RBFOX3: variants seen among roughly 807,000 people sequenced by gnomAD.
RBFOX3 encodes the protein RNA binding protein fox-1 homolog 3.
RBFOX3 carries 17 observed loss-of-function variants against 48.7 expected under a neutral mutation model. That is an observed-to-expected ratio of 0.35 (90% CI 0.24 to 0.52). The LOEUF is 0.52. Among genes scored for constraint, RBFOX3 ranks in the 20% least tolerant of loss-of-function variants. RBFOX3 has a pLI of 0.94. For synonymous variants in RBFOX3, 212 were observed against 209.5 expected (o/e 1.01, Z -0.10); for missense variants, 382 against 497.5 (o/e 0.77, Z 2.21).
intron 2 of RBFOX3, among the ~76,000 whole-genome samples, chr17:79,325,851 C>T (rs879547038): frequency 6.6e-6 from 1 of 152,164 alleles, no homozygotes; most frequent in Non-Finnish European, 1.5e-5. Flanking sequence ...GTCGCAGTTC[C>T]GTTTAGCTTG....
chr17:79,264,055 T>C (rs2066250260), intron 3 of RBFOX3, among the ~76,000 whole-genome samples: 1 of 151,428 alleles, frequency 6.6e-6, no homozygotes, highest in African/African-American at 2.4e-5. Context: ...GGAAGGACCC[T>C]TCCCTAGAGC....
rs1178228592 is a variant in RBFOX3 at position 79,477,474 on chromosome 17, T to G, written c.-175+4980A>C. Among the ~76,000 whole-genome samples the G allele has an allele frequency of 6.6e-6, 1 of 151,182 alleles. No individual in the cohort carries two copies. Among genetic ancestry groups the G allele is most frequent in the Non-Finnish European group, 1.5e-5 (1 of 67,886 alleles). ...GGGAGGCTGAGGCAGGAGAATGGCG[T>G]GAACCCGGGAGGCGGAGTTTGCAGT... On this transcript the variant is annotated intron_variant, in intron 2 of 14. Coordinates refer to ENST00000693108, the MANE Select transcript of RBFOX3 (RefSeq NM_001350451.2). The surrounding 1 kb of genome is among the most constrained non-coding windows in gnomAD (Gnocchi z 4.8).
At chr17:79,572,502 C>T (rs2092711742) in intron 1 of RBFOX3, among the ~76,000 whole-genome samples, 1 of 152,218 alleles carries the variant, frequency 6.6e-6, no homozygotes, top group African/African-American at 2.4e-5. Flanking sequence ...CACCCCAGCT[C>T]TGCCCACCAG....
rs140284293 is a variant in RBFOX3 at position 79,104,794 on chromosome 17, G to A, written c.361-668C>T. On this transcript the variant is annotated intron_variant, in intron 6 of 14. Coordinates refer to ENST00000693108, the MANE Select transcript of RBFOX3 (RefSeq NM_001350451.2). ...CCTCAGGCCTCCCTGAGATGGGGAG[G>A]AGGTTGGGCAGGGGGAAAATGGGGT... Among the ~76,000 whole-genome samples the A allele has an allele frequency of 2.6e-3, 390 of 152,238 alleles. 2 individuals are homozygous for A. The highest frequency in any genetic ancestry group is 8.9e-3 in the African/African-American group (371 of 41,534).
At chr17:79,376,362 G>A (rs1442020574) in intron 2 of RBFOX3, among the ~76,000 whole-genome samples, 1 of 152,138 alleles carries the variant, frequency 6.6e-6, no homozygotes, top group Non-Finnish European at 1.5e-5. Flanking sequence ...GCAAAGAGGA[G>A]GTGTGGGTGG....
rs944397403 is a variant in RBFOX3, at chr17:79,587,159, T to C, written c.-320+23667A>G. 3.3e-3 allele frequency among the ~76,000 whole-genome samples: 496 copies of C among 152,310 alleles called. 5 individuals carry two copies. The East Asian group carries it at 0.033, about 10-fold the overall frequency. On this transcript the variant is annotated intron_variant, in intron 1 of 14. Transcript: ENST00000693108. ...ATTAAGGCCTAGACCACACACCCTG[T>C]GGTGCCTCCACTCTCCAAGACCCCC...
rs771753984 is a variant in RBFOX3, at chr17:79,115,694, C to CG, written c.21dup (p.Ala8ArgfsTer126). ...TTCTGTGGCGGAGGGGGGTACTGGG[C>CG]GGGGGGGTAGGGCTGGGCCATCGCT... On this transcript the variant is annotated frameshift_variant, in exon 5 of 15. Transcript: ENST00000693108. LOFTEE classifies it high-confidence loss of function. The CG allele has an allele frequency of 1.8e-4, 27 of 147,924 alleles. No homozygotes were observed. Among genetic ancestry groups the CG allele is most frequent in the Admixed American group, 1.0e-3 (7 of 6,908 alleles). 9.2% of individuals were successfully genotyped at this position (147,924 alleles called of 1,614,324 possible). A position where few individuals can be genotyped will look rare whatever the true frequency, so the allele number is the denominator to read the frequency against.
chr17:79,193,277 G>T (rs1204114613), intron 4 of RBFOX3, among the ~76,000 whole-genome samples: 1 of 152,190 alleles, frequency 6.6e-6, no homozygotes, highest in Non-Finnish European at 1.5e-5. Context: ...CCTCCCAGTG[G>T]GGGCAGGGAA....
chr17:79,519,268 C>T (rs1029739562), intron 1 of RBFOX3, among the ~76,000 whole-genome samples: 4 of 152,240 alleles, frequency 2.6e-5, no homozygotes, highest in Non-Finnish European at 5.9e-5. Flanking sequence ...ACCCCCAGGG[C>T]TCACACTCCC....
Position 79,471,786 on chromosome 17 carries a change from T to C in RBFOX3, c.-175+10668A>G, listed in dbSNP as rs1217784245. Among the ~76,000 whole-genome samples the C allele has an allele frequency of 7.9e-5, 12 of 152,312 alleles. No individual in the cohort carries two copies. The highest frequency in any genetic ancestry group is 2.6e-4 in the African/African-American group (11 of 41,562). On this transcript the variant is annotated intron_variant, in intron 2 of 14. Coordinates refer to ENST00000693108, the MANE Select transcript of RBFOX3 (RefSeq NM_001350451.2). This position sits in a 1 kb window ranked among gnomAD's most constrained non-coding sequence, Gnocchi z 4.0. ...GCAGGCAGGTTAGCTATCCCAGCCC[T>C]ATGCATCACTCCTGCATCACACCTA...
intron 2 of RBFOX3, among the ~76,000 whole-genome samples, chr17:79,434,725 A>T (rs935211883): frequency 6.6e-6 from 1 of 152,224 alleles, no homozygotes. Context: ...CTTAGGGAAG[A>T]GAGGATTCAA....
the RBFOX3 span, among the ~76,000 whole-genome samples, chr17:79,645,463 A>G: frequency 6.6e-6 from 1 of 151,998 alleles, no homozygotes; most frequent in South Asian, 2.1e-4. Flanking sequence ...CCTCTTCCCC[A>G]CCCTTCAAGA....
chr17:79,154,979 G>T (rs1341186345), intron 4 of RBFOX3, among the ~76,000 whole-genome samples: 1 of 150,062 alleles, frequency 6.7e-6, no homozygotes, highest in Non-Finnish European at 1.5e-5. Context: ...TGGCAGCCCA[G>T]CCTCGGCGTC....
chr17:79,507,650 C>T (rs1272053241), intron 1 of RBFOX3, among the ~76,000 whole-genome samples: 1 of 152,208 alleles, frequency 6.6e-6, no homozygotes, highest in African/African-American at 2.4e-5. Context: ...ACAGCTGGTA[C>T]TGCCACTCAG....
In RBFOX3 at chr17:79,473,261, G is replaced by A. The variant is rs2077272389; in HGVS notation, c.-175+9193C>T. ...CACAGACCTCACTTTGAGTAGCTGA[G>A]ATATGGGTCATGTGAGACGTGTCCT... On this transcript the variant is annotated intron_variant, in intron 2 of 14. Coordinates refer to ENST00000693108, the MANE Select transcript of RBFOX3 (RefSeq NM_001350451.2). This position sits in a 1 kb window ranked among gnomAD's most constrained non-coding sequence, Gnocchi z 4.2. Among the ~76,000 whole-genome samples, 1 of 152,236 alleles carries A rather than the reference G, an allele frequency of 6.6e-6. No homozygotes were observed. Among genetic ancestry groups the A allele is most frequent in the African/African-American group, 2.4e-5 (1 of 41,460 alleles).
At chr17:79,154,491 T>C (rs2045321715) in intron 4 of RBFOX3, among the ~76,000 whole-genome samples, 1 of 151,304 alleles carries the variant, frequency 6.6e-6, no homozygotes, top group Non-Finnish European at 1.5e-5. Context: ...AGTGGACGAG[T>C]GGGGAAGGGT....
intron 3 of RBFOX3, among the ~76,000 whole-genome samples, chr17:79,275,530 G>C (rs554845729): frequency 6.6e-6 from 1 of 152,140 alleles, no homozygotes; most frequent in Admixed American, 6.5e-5. Flanking sequence ...GGTGCAGACC[G>C]CACGCTCACT....
At chr17:79,636,900 A>T in the RBFOX3 span, among the ~76,000 whole-genome samples, 1 of 152,214 alleles carries the variant, frequency 6.6e-6, no homozygotes, top group South Asian at 2.1e-4. Flanking sequence ...ACAAGATTCA[A>T]CAACATGCTG....
At chr17:79,612,275 C>A (rs949111479), upstream of RBFOX3, among the ~76,000 whole-genome samples, 1 of 152,230 alleles carries the variant, frequency 6.6e-6, no homozygotes, top group Non-Finnish European at 1.5e-5. Flanking sequence ...AAACCCGTCC[C>A]CATGTCACTT....
Sources: gnomAD v4.1 joint callset for allele counts (sites outside exome capture counted in the v4.1 genomes callset) on GRCh38, gnomAD v4.1.1 for gene constraint, Gnocchi (gnomAD v3.1) non-coding constraint, MANE v1.5 for transcripts, NCBI Gene and HGNC (gene_info 2026-07-23, HGNC 2026-07-21) for gene names.